METTL15: variants seen among roughly 807,000 people sequenced by gnomAD.
METTL15 encodes 12S rRNA N(4)-cytidine methyltransferase METTL15.
A neutral mutation model predicts 38.3 loss-of-function variants in METTL15; 34 were observed. The ratio of observed to expected loss-of-function variants is 0.89; its 90% CI spans 0.68 to 1.18. The LOEUF (loss-of-function observed/expected upper bound fraction) is 1.18, where lower values mean the gene tolerates loss of function less well. METTL15 is among the 50% of genes most tolerant of loss of function. METTL15 has a pLI of 0.00. For synonymous variants in METTL15, 162 were observed against 170.9 expected (o/e 0.95, Z 0.41); for missense variants, 438 against 498.4 (o/e 0.88, Z 1.15).
At chr11:28,211,378 C>G (rs1256154520) in intron 4 of METTL15, among the ~76,000 whole-genome samples, 180 bp downstream of exon 4, 1 of 151,970 alleles carries the variant, frequency 6.6e-6, no homozygotes, top group Admixed American at 6.6e-5. Flanking sequence ...TAAAGTAATG[C>G]TATTTTCCAG....
intron 3 of METTL15, among the ~76,000 whole-genome samples, chr11:28,136,052 A>C (rs887631091): frequency 1.3e-5 from 2 of 152,154 alleles, no homozygotes; most frequent in Non-Finnish European, 2.9e-5. Context: ...CTGTCAAAGT[A>C]CTATATCTGA....
intron 6 of METTL15, among the ~76,000 whole-genome samples, chr11:28,447,476 GTGATAAAGTAT>G (rs1467567271): frequency 6.6e-6 from 1 of 152,124 alleles, no homozygotes; most frequent in Non-Finnish European, 1.5e-5. Flanking sequence ...GGGAGTCCTG[GTGATAAAGTAT>G]TGAATAACGA....
chr11:28,249,865 C>A (rs1854664252), intron 4 of METTL15, among the ~76,000 whole-genome samples: 1 of 151,892 alleles, frequency 6.6e-6, no homozygotes, highest in Non-Finnish European at 1.5e-5. Context: ...TTTTTCTATC[C>A]ACACCTTCCT....
chr11:28,472,618 A>G (rs1024113993), intron 6 of METTL15, among the ~76,000 whole-genome samples: 1 of 152,190 alleles, frequency 6.6e-6, no homozygotes, highest in Non-Finnish European at 1.5e-5. Context: ...TCAGGCCTGT[A>G]ATGATAATAA....
intron 3 of METTL15, among the ~76,000 whole-genome samples, chr11:28,158,958 G>A (rs765668351): frequency 6.6e-6 from 1 of 152,006 alleles, no homozygotes; most frequent in Non-Finnish European, 1.5e-5. Context: ...TCCCATAGCC[G>A]GGATTCACGG....
intron 5 of METTL15, among the ~76,000 whole-genome samples, chr11:28,377,232 CT>C (rs1850325642): frequency 6.7e-6 from 1 of 149,886 alleles, no homozygotes; most frequent in Non-Finnish European, 1.5e-5. Flanking sequence ...GGAAGTTCTC[CT>C]GGATAATATC....
chr11:28,189,253 A>G (rs1342865682), intron 3 of METTL15, among the ~76,000 whole-genome samples: 1 of 151,318 alleles, frequency 6.6e-6, no homozygotes, highest in Non-Finnish European at 1.5e-5. Flanking sequence ...AATTGCTACA[A>G]AGTCACTACT....
chr11:28,217,999 A>G (rs941585952), intron 4 of METTL15, among the ~76,000 whole-genome samples: 20 of 152,000 alleles, frequency 1.3e-4, no homozygotes, highest in African/African-American at 4.8e-4. Context: ...GCTTGATGCT[A>G]CCAGCTTTGT....
At chr11:28,122,203 A>G (rs1199559259) in intron 3 of METTL15, 2 of 1,251,994 alleles carry the variant, frequency 1.6e-6, no homozygotes, top group Non-Finnish European at 1.0e-6. Flanking sequence ...TTTTTTTAAA[A>G]TGAGAATGTT....
intron 4 of METTL15, among the ~76,000 whole-genome samples, chr11:28,264,048 C>A (rs1381827100): frequency 6.6e-6 from 1 of 152,046 alleles, no homozygotes; most frequent in Non-Finnish European, 1.5e-5. Flanking sequence ...CCACATAGAA[C>A]CTTAAAATTT....
chr11:28,425,869 G>A (rs1447706189), intron 6 of METTL15, among the ~76,000 whole-genome samples: 1 of 152,138 alleles, frequency 6.6e-6, no homozygotes, highest in African/African-American at 2.4e-5. Context: ...TTAAGATTGG[G>A]TTTTGTTGAC....
chr11:28,290,159 T>A, intron 4 of METTL15, 47 bp from the exon 5 acceptor site: 2 of 1,492,856 alleles, frequency 1.3e-6, no homozygotes, highest in Non-Finnish European at 1.8e-6. Context: ...TTAGAAAGAC[T>A]TCAATCTAAC....
intron 6 of METTL15, among the ~76,000 whole-genome samples, chr11:28,465,341 A>G (rs1226098768): frequency 6.6e-6 from 1 of 151,636 alleles, no homozygotes; most frequent in Non-Finnish European, 1.5e-5. Flanking sequence ...CAGGGGTCCT[A>G]TGTCTTCTCC....
intron 6 of METTL15, among the ~76,000 whole-genome samples, chr11:28,506,291 G>A (rs1002859820): frequency 6.6e-6 from 1 of 152,118 alleles, no homozygotes; most frequent in African/African-American, 2.4e-5. Flanking sequence ...GATATTTCCT[G>A]TGATGTAACA....
intron 5 of METTL15, among the ~76,000 whole-genome samples, chr11:28,395,254 A>G (rs1172409604): frequency 6.6e-6 from 1 of 152,102 alleles, no homozygotes; most frequent in African/African-American, 2.4e-5. Context: ...TCTGATATTC[A>G]GAGGTGTGCC....
chr11:28,486,866 G>A (rs1016753943), intron 6 of METTL15, among the ~76,000 whole-genome samples: 1 of 152,114 alleles, frequency 6.6e-6, no homozygotes, highest in African/African-American at 2.4e-5. Context: ...ATTAGAAAAG[G>A]AAGAAAAGAA....
chr11:28,447,666 C>T (rs2133444937), intron 6 of METTL15, among the ~76,000 whole-genome samples: 1 of 152,164 alleles, frequency 6.6e-6, no homozygotes, highest in African/African-American at 2.4e-5. Flanking sequence ...CAAAACTTAC[C>T]ATGAATAATT....
At chr11:28,489,162 G>T (rs1205244587) in intron 6 of METTL15, among the ~76,000 whole-genome samples, 2 of 152,090 alleles carry the variant, frequency 1.3e-5, no homozygotes, top group Non-Finnish European at 2.9e-5. Flanking sequence ...AGCTCCTCTT[G>T]CTTTGGACAG....
intron 4 of METTL15, among the ~76,000 whole-genome samples, chr11:28,258,586 C>T (rs1265142885): frequency 2.6e-5 from 4 of 152,168 alleles, no homozygotes; most frequent in Non-Finnish European, 5.9e-5. Context: ...ACTCAAACCA[C>T]AAGACACAGT....
Sources: allele counts gnomAD v4.1 joint callset (sites outside exome capture counted in the v4.1 genomes callset), GRCh38; gene constraint gnomAD v4.1.1; transcripts MANE v1.5; gene names NCBI Gene and HGNC (gene_info 2026-07-23, HGNC 2026-07-21).